CLCNKB: variants seen among roughly 807,000 people sequenced by gnomAD.
CLCNKB encodes the protein chloride channel protein ClC-Kb.
In CLCNKB, 74 loss-of-function variants were observed where a neutral mutation model predicts 83.8. The observed-to-expected ratio is 0.88, with a 90% confidence interval of 0.73 to 1.07. The LOEUF is 1.07. CLCNKB is among the 50% of genes least tolerant of loss of function. The pLI is 0.00. For synonymous variants in CLCNKB, 358 were observed against 356.6 expected (o/e 1.00, Z -0.04); for missense variants, 798 against 893.6 (o/e 0.89, Z 1.36).
At position 16,051,794 on chromosome 1, in the gene CLCNKB, T is replaced by G; in HGVS notation, c.1382T>G (p.Ile461Ser). 1.2e-6 allele frequency: 2 copies of G among 1,613,770 alleles called. No individual in the cohort carries two copies. Among genetic ancestry groups the G allele is most frequent in the Non-Finnish European group, 1.7e-6 (2 of 1,179,860 alleles). Residue 461 changes from isoleucine (I) to serine (S), a missense_variant, in exon 14 of 20, where the codon ATC becomes AGC. Ile to Ser is a moderately radical substitution (Grantham distance 142, BLOSUM62 -2). Coordinates refer to ENST00000375679, the MANE Select transcript of CLCNKB (RefSeq NM_000085.5). The part of the protein sequence containing the change: ...GIVAGGITNP[I>S]MPGGYALAGA... Reference sequence around the variant, plus strand: ...GTGGCTGGAGGGATCACCAATCCCATCATGCCAGGGGGGTATGCTCTGGCA... The same window carrying G: ...GTGGCTGGAGGGATCACCAATCCCAGCATGCCAGGGGGGTATGCTCTGGCA...
Position 16,053,745 on chromosome 1 carries a change from G to C in CLCNKB, c.1729G>C (p.Ala577Pro), listed in dbSNP as rs189960510. Residue 577 changes from alanine to proline, a missense_variant, in exon 16 of 20, where the codon GCC becomes CCC. By Grantham distance (27) the Ala-to-Pro change is conservative. Coordinates refer to ENST00000375679, the MANE Select transcript of CLCNKB (RefSeq NM_000085.5). ...CAAGGTTGTGACCTCCACAGACGTG[G>C]CCAAGTATCCCCTGGTGGAGAGCAC... ...VVKVVTSTDV[A>P]KYPLVESTES... The C allele has an allele frequency of 6.2e-7, 1 of 1,613,894 alleles. No individual in the cohort carries two copies. The highest frequency in any genetic ancestry group is 1.7e-5 in the Admixed American group (1 of 60,010).
rs565165729 is a variant in CLCNKB, at chr1:16,049,839, C to A, written c.891C>A (p.Ser297Arg). 1 of 1,613,822 alleles carries A rather than the reference C, an allele frequency of 6.2e-7. No individual in the cohort carries two copies. The highest frequency in any genetic ancestry group is 1.3e-5 in the African/African-American group (1 of 74,920). Residue 297 changes from serine (S) to arginine (R), a missense_variant, in exon 10 of 20, where the codon AGC (serine) becomes AGA (arginine). Coordinates refer to ENST00000375679, the MANE Select transcript of CLCNKB (RefSeq NM_000085.5). The stretch of plus-strand genomic sequence containing the variant: ...GGGGTCTCTGTGGCATCCTGGGCAG[C>A]GCTTACCTCTTCTGTCAGCGAATCT... ...ALGGLCGILG[S>R]AYLFCQRIFF...
chr1:16,056,371 G>T (rs1343548125), intron 18 of CLCNKB, 51 bp from the exon 19 acceptor site: 1 of 1,571,880 alleles, frequency 6.4e-7, no homozygotes, highest in South Asian at 1.1e-5. Flanking sequence ...GGGCTAGAGG[G>T]TGGGCTGGGC....
intron 16 of CLCNKB, among the ~76,000 whole-genome samples, 173 bp from the exon 17 acceptor site, chr1:16,055,262 T>G (rs1269121901): frequency 1.3e-5 from 2 of 152,170 alleles, no homozygotes; most frequent in African/African-American, 4.8e-5. Context: ...GGCAAGACAA[T>G]TAGCCTCTCT....
intron 1 of CLCNKB, 130 bp from the exon 2 acceptor site, chr1:16,044,356 T>TACATACACACACACAC: frequency 2.7e-6 from 1 of 374,632 alleles, no homozygotes; most frequent in Non-Finnish European, 4.9e-6. Context: ...TAACTTCACA[T>TACATACACACACACAC]ACACACACAC....
intron 1 of CLCNKB, among the ~76,000 whole-genome samples, chr1:16,044,138 G>A: frequency 6.6e-6 from 1 of 152,104 alleles, no homozygotes; most frequent in East Asian, 1.9e-4. Flanking sequence ...AGCAGTGGAA[G>A]CGCCAAGTGA....
Position 16,045,587 on chromosome 1 carries a change from T to C in CLCNKB, c.130T>C (p.Phe44Leu). Residue 44 changes from phenylalanine (F) to leucine (L), a missense_variant, in exon 3 of 20, where the codon TTC becomes CTC. By Grantham distance (22) the Phe-to-Leu change is conservative. Coordinates refer to ENST00000375679, the MANE Select transcript of CLCNKB (RefSeq NM_000085.5). ...CCTGGAGTGGCTGAAGCAGAAGCTCTTCCGCCTGGGCGAGGACTGGTACTT... is the reference window on the plus strand; with the variant it reads ...CCTGGAGTGGCTGAAGCAGAAGCTCCTCCGCCTGGGCGAGGACTGGTACTT... ...GGLEWLKQKL[F>L]RLGEDWYFLM... 6.2e-7 allele frequency: 1 copy of C among 1,613,908 alleles called. No homozygotes were observed. The highest frequency in any genetic ancestry group is 1.1e-5 in the South Asian group (1 of 91,086).
Position 16,048,015 on chromosome 1 carries a change from T to A in CLCNKB, c.469T>A (p.Cys157Ser), listed in dbSNP as rs111550184. 3 of 1,614,020 alleles carry A rather than the reference T, an allele frequency of 1.9e-6. No homozygotes were observed. Among genetic ancestry groups the A allele is most frequent in the Admixed American group, 1.7e-5 (1 of 60,018 alleles). The change falls in exon 5 of 20, where the codon TGT becomes AGT. Residue 157 changes from cysteine to serine, a missense_variant. Transcript: ENST00000375679. The part of the protein sequence containing the change: ...KVVGLSCTLA[C>S]GSTLFLGKVG... ...GGTGGGCCTCTCCTGCACCCTGGCCTGTGGCAGCACCCTCTTCCTCGGGAA... is the reference window on the plus strand; with the variant it reads ...GGTGGGCCTCTCCTGCACCCTGGCCAGTGGCAGCACCCTCTTCCTCGGGAA...
At chr1:16,045,042 G>A (rs918497940) in intron 2 of CLCNKB, among the ~76,000 whole-genome samples, 9 of 152,214 alleles carry the variant, frequency 5.9e-5, no homozygotes, top group Non-Finnish European at 1.2e-4. Context: ...GACCACAGAA[G>A]GAGGCTGACT....
At chr1:16,047,778 A>G in intron 4 of CLCNKB, 127 bp from the exon 5 acceptor site, 1 of 1,144,376 alleles carries the variant, frequency 8.7e-7, no homozygotes, top group Non-Finnish European at 1.3e-6. Context: ...CCAAAGGAAA[A>G]TAATCCTAAC....
At chr1:16,050,452 G>A (rs1341418399) in intron 10 of CLCNKB, 64 bp from the exon 11 acceptor site, 1 of 1,555,258 alleles carries the variant, frequency 6.4e-7, no homozygotes, top group Non-Finnish European at 8.9e-7. Context: ...GCTAGGCCCT[G>A]CTTCCCTCTC....
In CLCNKB at chr1:16,056,486, T is replaced by G; in HGVS notation, c.1994T>G (p.Val665Gly). 6.6e-7 allele frequency: 1 copy of G among 1,525,050 alleles called. No individual in the cohort carries two copies. The highest frequency in any genetic ancestry group is 8.9e-7 in the Non-Finnish European group (1 of 1,124,600). 94.5% of individuals were successfully genotyped at this position (1,525,050 alleles called of 1,614,324 possible). A position where few individuals can be genotyped will look rare whatever the true frequency, so the allele number is the denominator to read the frequency against. Reference protein sequence around the residue: ...SLFVTSRGRAVGCVSWVEMKK... With the variant: ...SLFVTSRGRAGGCVSWVEMKK... ...TTTGTGACGTCGCGGGGCAGAGCTG[T>G]GGGCTGCGTGTCCTGGGTGGAGGTA... The change falls in exon 19 of 20, where the codon GTG becomes GGG. Residue 665 changes from valine to glycine, a missense_variant. Transcript: ENST00000375679.
chr1:16,053,684 C>T lies in CLCNKB; in HGVS notation c.1668C>T (p.Thr556=), dbSNP rs776671813. ...RVEHFMNHSI[T]TLAKDMPLEE... is the part of the protein sequence containing the mutation. ...AGCACTTCATGAACCACAGCATCAC[C>T]ACACTGGCCAAGGACATGCCACTGG... Residue 556 remains threonine, a synonymous_variant, in exon 16 of 20, where the codon ACC becomes ACT. Transcript: ENST00000375679. The T allele has an allele frequency of 1.2e-6, 2 of 1,613,994 alleles. No homozygotes were observed. Among genetic ancestry groups the T allele is most frequent in the East Asian group, 4.5e-5 (2 of 44,876 alleles).
intron 2 of CLCNKB, among the ~76,000 whole-genome samples, chr1:16,045,014 C>T (rs1311538358): frequency 2.8e-4 from 42 of 152,288 alleles, no homozygotes; most frequent in South Asian, 1.0e-3. Flanking sequence ...CCCTCAGCTA[C>T]GGGGCAGAGC....
chr1:16,047,786 A>T, intron 4 of CLCNKB, 119 bp from the exon 5 acceptor site: 2 of 1,194,322 alleles, frequency 1.7e-6, no homozygotes, highest in Middle Eastern at 2.8e-4. Context: ...AAATAATCCT[A>T]ACTTCAGAGG....
intron 13 of CLCNKB, 30 bp from the exon 14 acceptor site, chr1:16,051,680 G>A (rs368903109): frequency 1.2e-5 from 19 of 1,609,240 alleles, no homozygotes; most frequent in Non-Finnish European, 3.4e-6. Context: ...GGGTCAGCCT[G>A]GCTCCCCCTC....
rs56230675 is a variant in CLCNKB, at chr1:16,051,936, C to T, written c.1408+116C>T. On this transcript the variant is annotated intron_variant, in intron 14 of 19. Transcript: ENST00000375679. ...AGTCACTGAGTCCTCCAGTGAACCC[C>T]CTACCCCTCATGGGGGTCTGTCCCT... is the stretch of plus-strand genomic sequence containing the variant. 0.1 allele frequency: 92,479 copies of T among 917,840 alleles called. 5,663 individuals are homozygous for T. The highest frequency in any genetic ancestry group is 0.21 in the African/African-American group (12,988 of 60,784). 56.9% of individuals were successfully genotyped at this position (917,840 alleles called of 1,614,324 possible). A position where few individuals can be genotyped will look rare whatever the true frequency, so the allele number is the denominator to read the frequency against.
rs770911798 is a variant in CLCNKB at position 16,053,673 on chromosome 1, C to A, written c.1657C>A (p.His553Asn). 2 of 1,613,962 alleles carry A rather than the reference C, an allele frequency of 1.2e-6. No homozygotes were observed. Among genetic ancestry groups the A allele is most frequent in the Non-Finnish European group, 1.7e-6 (2 of 1,180,022 alleles). ...CGTGAGGGTGGAGCACTTCATGAAC[C>A]ACAGCATCACCACACTGGCCAAGGA... ...HRVRVEHFMNHSITTLAKDMP... is the reference protein window; with the variant it reads ...HRVRVEHFMNNSITTLAKDMP... The change falls in exon 16 of 20, where the codon CAC becomes AAC. Residue 553 changes from histidine (H) to asparagine (N), a missense_variant. Physicochemically the swap from His to Asn is moderately conservative, Grantham distance 68. Transcript: ENST00000375679.
Position 16,050,579 on chromosome 1 carries a change from C to T in CLCNKB, c.1032C>T (p.Ala344=), listed in dbSNP as rs375017657. The T allele has an allele frequency of 1.4e-5, 22 of 1,613,972 alleles. No homozygotes were observed. The highest frequency in any genetic ancestry group is 6.7e-5 in the African/African-American group (5 of 74,912). Residue 344 remains alanine, a synonymous_variant, in exon 11 of 20, where the codon GCC becomes GCT. Transcript: ENST00000375679. ...CCTCCATCACCTACCCACCCAGCGC[C>T]GGCCGCTTCCTAGCTTCTCGGGTAA... ...VLASITYPPS[A]GRFLASRLSM...
Sources: gnomAD v4.1 joint callset for allele counts (sites outside exome capture counted in the v4.1 genomes callset) on GRCh38, gnomAD v4.1.1 for gene constraint, MANE v1.5 for transcripts, NCBI Gene and HGNC (gene_info 2026-07-23, HGNC 2026-07-21) for gene names.